The following WDPCP variants were observed in gnomAD, a reference collection of about 807,000 sequenced individuals.
WDPCP encodes WD repeat containing planar cell polarity effector, also known as WD repeat-containing and planar cell polarity effector protein fritz homolog.
A neutral mutation model predicts 93.1 loss-of-function variants in WDPCP; 71 were observed. The observed-to-expected ratio is 0.76, with a 90% CI of 0.63 to 0.93. The LOEUF is 0.93. Ranked by LOEUF, WDPCP falls within the 40% of genes least tolerant of loss-of-function variation. WDPCP has a pLI of 0.00. For missense variants in WDPCP, 844 were observed against 887.4 expected (o/e 0.95, Z 0.62); for synonymous variants, 315 against 315.0 (o/e 1.00, Z 0.00).
At chr2:63,295,341 G>A (rs1340121383) in intron 13 of WDPCP, among the ~76,000 whole-genome samples, 1 of 151,822 alleles carries the variant, frequency 6.6e-6, no homozygotes, top group Non-Finnish European at 1.5e-5. Context: ...CCAATCAAAA[G>A]ACATATTAAC....
At chr2:63,448,913 G>T (rs1221247325) in intron 6 of WDPCP, among the ~76,000 whole-genome samples, 1 of 152,042 alleles carries the variant, frequency 6.6e-6, no homozygotes, top group Non-Finnish European at 1.5e-5. Context: ...TTAGACAGGA[G>T]AAATACATTT....
chr2:63,380,854 T>G (rs1183893490), intron 11 of WDPCP, among the ~76,000 whole-genome samples: 1 of 152,170 alleles, frequency 6.6e-6, no homozygotes, highest in Non-Finnish European at 1.5e-5. Flanking sequence ...CGATACAGAC[T>G]TCCTGGAAAA....
chr2:63,717,825 A>G, intron 2 of WDPCP: 1 of 241,442 alleles, frequency 4.1e-6, no homozygotes, highest in Non-Finnish European at 8.1e-6. Context: ...GCACATTTGA[A>G]GGCGAGCCCG....
chr2:63,568,110 G>A (rs188622827), intron 1 of WDPCP, among the ~76,000 whole-genome samples: 39 of 152,222 alleles, frequency 2.6e-4, no homozygotes, highest in African/African-American at 9.4e-4. Flanking sequence ...TTAATTCAAT[G>A]ATCCTTATGA....
chr2:63,141,865 G>C (rs577701637), intron 17 of WDPCP, among the ~76,000 whole-genome samples: 1 of 152,068 alleles, frequency 6.6e-6, no homozygotes, highest in Non-Finnish European at 1.5e-5. Context: ...AGCTAGAAGG[G>C]CTGTATTTTT....
At position 63,603,045 on chromosome 2, in the gene WDPCP, C is replaced by T. The variant is rs1323843597; in HGVS notation, n.488+47614G>A. On this transcript the variant is annotated intron_variant and non_coding_transcript_variant, in intron 3 of 4. Coordinates refer to the WDPCP transcript ENST00000467687. ...CACGATCTCGGCTCACTGCAACCTCCGCCTCCCAGGTTCAAGAGATTCTCC... is the reference window on the plus strand; with the variant it reads ...CACGATCTCGGCTCACTGCAACCTCTGCCTCCCAGGTTCAAGAGATTCTCC... Among the ~76,000 whole-genome samples the T allele has an allele frequency of 6.6e-5, 10 of 151,140 alleles. 1 individual carries two copies. The highest frequency in any genetic ancestry group is 2.2e-4 in the African/African-American group (9 of 41,186).
chr2:63,266,907 C>CAAAGT (rs1270960273), intron 13 of WDPCP, among the ~76,000 whole-genome samples: 1 of 152,032 alleles, frequency 6.6e-6, no homozygotes, highest in Non-Finnish European at 1.5e-5. Flanking sequence ...TCATACTACC[C>CAAAGT]AAAGTAATGT....
intron 2 of WDPCP, among the ~76,000 whole-genome samples, chr2:63,699,430 A>ATG (rs1280629908): frequency 1.3e-5 from 2 of 152,254 alleles, no homozygotes; most frequent in Non-Finnish European, 2.9e-5. Flanking sequence ...AAAAAGAACT[A>ATG]TGTGATAACA....
chr2:63,578,921 A>G (rs1708295689), intron 1 of WDPCP, among the ~76,000 whole-genome samples: 1 of 152,184 alleles, frequency 6.6e-6, no homozygotes, highest in African/African-American at 2.4e-5. Flanking sequence ...AGGAGAGAAT[A>G]GGATTGGAAT....
intron 1 of WDPCP, among the ~76,000 whole-genome samples, chr2:63,578,764 G>C (rs1300237410): frequency 1.3e-5 from 2 of 152,182 alleles, no homozygotes; most frequent in Non-Finnish European, 2.9e-5. Context: ...CTAGAATTAA[G>C]ATCTGTGGAC....
At chr2:63,177,935 A>T (rs2104044616) in intron 14 of WDPCP, among the ~76,000 whole-genome samples, 1 of 152,260 alleles carries the variant, frequency 6.6e-6, no homozygotes, top group Non-Finnish European at 1.5e-5. Context: ...AGCATGAAAG[A>T]ACATCAAATT....
At chr2:63,253,423 C>CA (rs1379103535) in intron 14 of WDPCP, among the ~76,000 whole-genome samples, 2 of 151,790 alleles carry the variant, frequency 1.3e-5, no homozygotes, top group East Asian at 1.9e-4. Context: ...TTCTGCACAT[C>CA]AAAAAAACTA....
At chr2:63,123,010 T>C (rs1227272756) in intron 17 of WDPCP, among the ~76,000 whole-genome samples, 1 of 149,982 alleles carries the variant, frequency 6.7e-6, no homozygotes, top group African/African-American at 2.5e-5. Flanking sequence ...CACATGTATG[T>C]AGGTATGTGC....
intron 3 of WDPCP, among the ~76,000 whole-genome samples, chr2:63,612,263 T>A (rs947066183): frequency 6.6e-6 from 1 of 152,212 alleles, no homozygotes; most frequent in East Asian, 1.9e-4. Context: ...AAAATGGGGA[T>A]ATTAATAGTA....
At chr2:63,338,732 G>A (rs1390225158) in intron 12 of WDPCP, among the ~76,000 whole-genome samples, 2 of 150,630 alleles carry the variant, frequency 1.3e-5, no homozygotes, top group Non-Finnish European at 3.0e-5. Context: ...TGTTCCATTG[G>A]TTTATGTGTC....
intron 1 of WDPCP, among the ~76,000 whole-genome samples, chr2:63,528,849 T>C (rs373923094): frequency 6.6e-6 from 1 of 152,248 alleles, no homozygotes; most frequent in Non-Finnish European, 1.5e-5. Flanking sequence ...TCCATGAACA[T>C]GGAATGTTCT....
At chr2:63,333,945 AT>A (rs1462587456) in intron 12 of WDPCP, among the ~76,000 whole-genome samples, 1 of 152,232 alleles carries the variant, frequency 6.6e-6, no homozygotes, top group Non-Finnish European at 1.5e-5. Flanking sequence ...TTTTGAAATA[AT>A]GAAGGGGAAA....
chr2:63,450,407 A>G (rs1698157998), intron 6 of WDPCP, among the ~76,000 whole-genome samples: 1 of 152,142 alleles, frequency 6.6e-6, no homozygotes. Context: ...GGACCGAAAG[A>G]GTCATCCCAC....
At chr2:63,590,102 G>A (rs1323718629), upstream of WDPCP, 1 of 152,272 alleles carries the variant, frequency 6.6e-6, no homozygotes, top group Non-Finnish European at 1.5e-5. Context: ...TTAAACCTAG[G>A]TTTCCTAAAT....
Sources: gnomAD v4.1 joint callset for allele counts (sites outside exome capture counted in the v4.1 genomes callset) on GRCh38, gnomAD v4.1.1 for gene constraint, MANE v1.5 for transcripts, NCBI Gene and HGNC (gene_info 2026-07-23, HGNC 2026-07-21) for gene names.